Variants in VAV2 observed in about 807,000 individuals in gnomAD.
The protein encoded by VAV2 is vav guanine nucleotide exchange factor 2, also known as guanine nucleotide exchange factor VAV2.
VAV2 carries 67 observed loss-of-function variants against 132.5 expected under a neutral mutation model. That is an observed-to-expected ratio of 0.51 (90% CI 0.42 to 0.62). The LOEUF is 0.62. VAV2 is among the 20% of genes least tolerant of loss of function. The pLI is 0.00. For missense variants in VAV2, 938 were observed against 1,153.6 expected (o/e 0.81, Z 2.71); for synonymous variants, 492 against 443.5 (o/e 1.11, Z -1.37).
intron 3 of VAV2, among the ~76,000 whole-genome samples, chr9:133,847,780 A>T (rs915387050): frequency 6.6e-6 from 1 of 152,090 alleles, no homozygotes; most frequent in African/African-American, 2.4e-5. Flanking sequence ...ACATTTAATG[A>T]GCTGACGCCT....
At chr9:133,939,291 G>T in intron 1 of VAV2, 72 bp from the exon 2 acceptor site, 1 of 1,312,680 alleles carries the variant, frequency 7.6e-7, no homozygotes, top group Non-Finnish European at 1.1e-6. Flanking sequence ...AACCGTAACA[G>T]CAACAGCAGC....
intron 4 of VAV2, among the ~76,000 whole-genome samples, chr9:133,818,238 C>T (rs1287708596): frequency 6.6e-6 from 1 of 151,962 alleles, no homozygotes; most frequent in Admixed American, 6.6e-5. Context: ...TGGTGGCGGG[C>T]ACCTGAAGTC....
At chr9:133,982,178 G>A (rs1842715126) in intron 1 of VAV2, among the ~76,000 whole-genome samples, 1 of 152,296 alleles carries the variant, frequency 6.6e-6, no homozygotes, top group South Asian at 2.1e-4. Context: ...GAACTGCAGG[G>A]GAAAGGCCCT....
intron 25 of VAV2, among the ~76,000 whole-genome samples, 194 bp from the exon 26 acceptor site, chr9:133,772,240 C>T (rs2131574241): frequency 6.6e-6 from 1 of 152,340 alleles, no homozygotes; most frequent in South Asian, 2.1e-4. Context: ...ACCTGCCTGC[C>T]TGCCCTCCTT....
In VAV2 at chr9:133,926,575, G is replaced by T. The variant is rs1029630823; in HGVS notation, c.321+12528C>A. On this transcript the variant is annotated intron_variant, in intron 2 of 29. Coordinates refer to ENST00000371850, the MANE Select transcript of VAV2 (RefSeq NM_001134398.2). This position sits in a 1 kb window ranked among gnomAD's most constrained non-coding sequence, Gnocchi z 4.3. ...AGACCTCCCTTCTAAACCTGAGCAG[G>T]CCAGGCCACCGCCACCAGCCTCTGG... Among the ~76,000 whole-genome samples the T allele has an allele frequency of 1.3e-5, 2 of 151,964 alleles. 1 individual carries two copies. The highest frequency in any genetic ancestry group is 4.1e-4 in the South Asian group (2 of 4,820).
intron 2 of VAV2, among the ~76,000 whole-genome samples, chr9:133,904,704 C>T (rs940660955): frequency 1.3e-5 from 2 of 152,232 alleles, no homozygotes; most frequent in South Asian, 2.1e-4. Flanking sequence ...GCCAGGGCTC[C>T]GTCCTCCCCG....
At chr9:133,777,552 A>G (rs1564335310) in intron 22 of VAV2, 89 bp from the exon 23 acceptor site, 1 of 1,287,542 alleles carries the variant, frequency 7.8e-7, no homozygotes, top group Non-Finnish European at 1.1e-6. Flanking sequence ...GCGTATGCCA[A>G]TCCCGCTCCT....
At chr9:133,923,498 T>A (rs1454272162) in intron 2 of VAV2, among the ~76,000 whole-genome samples, 2 of 152,188 alleles carry the variant, frequency 1.3e-5, no homozygotes, top group African/African-American at 2.4e-5. Flanking sequence ...AAACAATACA[T>A]GCTGGAGAGG....
intron 3 of VAV2, among the ~76,000 whole-genome samples, chr9:133,854,084 C>T (rs1837290613): frequency 6.6e-6 from 1 of 151,480 alleles, no homozygotes; most frequent in African/African-American, 2.4e-5. Context: ...CCTGCACATA[C>T]ACCCCCATCT....
intron 1 of VAV2, among the ~76,000 whole-genome samples, chr9:133,963,994 T>A (rs1429413019): frequency 7.0e-6 from 1 of 142,720 alleles, no homozygotes; most frequent in Non-Finnish European, 1.5e-5. Context: ...ATAAGAAGAC[T>A]AGTAAACTTT....
At chr9:133,789,105 GA>G (rs1204846726) in intron 14 of VAV2, among the ~76,000 whole-genome samples, 152 bp downstream of exon 14, 1 of 152,224 alleles carries the variant, frequency 6.6e-6, no homozygotes, top group Non-Finnish European at 1.5e-5. Flanking sequence ...GAGAAGGAAG[GA>G]AGCAATTAAA....
intron 4 of VAV2, among the ~76,000 whole-genome samples, chr9:133,813,686 G>A (rs1053219879): frequency 4.6e-5 from 7 of 152,224 alleles, no homozygotes; most frequent in Non-Finnish European, 8.8e-5. Context: ...CTGTTGCTCC[G>A]GGTACTTCAT....
At position 133,784,140 on chromosome 9, in the gene VAV2, A is replaced by G. The variant is rs78485071; in HGVS notation, c.1634+177T>C. ...AGCGATTCGCCTGCCTCAGCCTCCC[A>G]AAGTGCTGAGACTTGAGCCACCATG... On this transcript the variant is annotated intron_variant, in intron 18 of 29. Transcript: ENST00000371850. 7.9e-5 allele frequency among the ~76,000 whole-genome samples: 12 copies of G among 152,234 alleles called. No individual in the cohort carries two copies. The East Asian group carries it at 1.9e-3, about 25-fold the overall frequency.
intron 13 of VAV2, 58 bp from the exon 14 acceptor site, chr9:133,789,401 C>T (rs1006035676): frequency 3.7e-5 from 58 of 1,563,476 alleles, no homozygotes; most frequent in South Asian, 1.3e-4. Context: ...TTCTCCTGAC[C>T]GCACGGGCAG....
Position 133,826,748 on chromosome 9 carries a change from C to T in VAV2, c.449+7524G>A, listed in dbSNP as rs563731657. 6.6e-6 allele frequency among the ~76,000 whole-genome samples: 1 copy of T among 152,294 alleles called. No homozygotes were observed. The highest frequency in any genetic ancestry group is 6.5e-5 in the Admixed American group (1 of 15,306). On this transcript the variant is annotated intron_variant, in intron 4 of 29. Coordinates refer to ENST00000371850, the MANE Select transcript of VAV2 (RefSeq NM_001134398.2). The surrounding 1 kb of genome is among the most constrained non-coding windows in gnomAD (Gnocchi z 4.2). Reference sequence around the variant, plus strand: ...CCTGAGTGGGAGCTTTCAAATTTCTCCCGTGTCCCTTCAATTCCCCTAAGA... The same window carrying T: ...CCTGAGTGGGAGCTTTCAAATTTCTTCCGTGTCCCTTCAATTCCCCTAAGA...
intron 2 of VAV2, among the ~76,000 whole-genome samples, chr9:133,922,560 G>A (rs934473818): frequency 6.6e-6 from 1 of 152,192 alleles, no homozygotes; most frequent in African/African-American, 2.4e-5. Context: ...ACGTGGCTGA[G>A]TGACTTCTCA....
At chr9:133,789,194 C>T in intron 14 of VAV2, 64 bp downstream of exon 14, 1 of 1,584,474 alleles carries the variant, frequency 6.3e-7, no homozygotes, top group Non-Finnish European at 8.6e-7. Flanking sequence ...AGGAGTGGCT[C>T]CCTGGGAGGG....
intron 2 of VAV2, among the ~76,000 whole-genome samples, chr9:133,862,545 G>A (rs1049433894): frequency 1.3e-5 from 2 of 152,230 alleles, no homozygotes; most frequent in Non-Finnish European, 2.9e-5. Flanking sequence ...CTACAAGTCT[G>A]TGTGCACTGC....
chr9:133,873,113 G>A (rs1838126499), intron 2 of VAV2, among the ~76,000 whole-genome samples: 1 of 129,518 alleles, frequency 7.7e-6, no homozygotes, highest in East Asian at 2.8e-4. Context: ...GGGGCGGGGG[G>A]GTGGGGGAGG....
Sources: allele counts gnomAD v4.1 joint callset (sites outside exome capture counted in the v4.1 genomes callset), GRCh38; gene constraint gnomAD v4.1.1; non-coding constraint Gnocchi (gnomAD v3.1); transcripts MANE v1.5; gene names NCBI Gene and HGNC (gene_info 2026-07-23, HGNC 2026-07-21).